PRKACB: variants seen among roughly 807,000 people sequenced by gnomAD.
PRKACB encodes the protein protein kinase cAMP-activated catalytic subunit beta.
A neutral mutation model predicts 51.4 loss-of-function variants in PRKACB; 16 were observed. The observed-to-expected ratio is 0.31, with a 90% CI of 0.21 to 0.47. The LOEUF is 0.47. PRKACB is among the 20% of genes least tolerant of loss of function. The pLI, the probability that PRKACB is intolerant of heterozygous loss-of-function variation, is 1.00. For missense variants in PRKACB, 309 were observed against 464.5 expected (o/e 0.67, Z 3.08); for synonymous variants, 147 against 154.4 (o/e 0.95, Z 0.35).
chr1:84,198,868 C>T (rs1668976711), intron 7 of PRKACB, among the ~76,000 whole-genome samples: 1 of 147,780 alleles, frequency 6.8e-6, no homozygotes, highest in Admixed American at 6.7e-5. Flanking sequence ...TATATATATA[C>T]ACCACATATA....
At chr1:84,104,483 G>A (rs1019148174) in intron 1 of PRKACB, among the ~76,000 whole-genome samples, 6 of 151,970 alleles carry the variant, frequency 3.9e-5, no homozygotes, top group East Asian at 1.9e-4. Flanking sequence ...ATTTCCTTCC[G>A]TTTGCATTAA....
chr1:84,238,175 G>A lies in PRKACB; in HGVS notation c.*2870G>A, dbSNP rs1214029382. The A allele has an allele frequency of 6.6e-6, 1 of 152,278 alleles. No individual in the cohort carries two copies. The allele number at this position is 152,278 out of a possible 1,614,324, so 9.4% of individuals were successfully genotyped here. ...ACCAAAAACGATATTGTGGCTTATG[G>A]GTATTGCTGTCTCATTCTTGGTATA... On this transcript the variant is annotated 3_prime_UTR_variant, in exon 10 of 10. Coordinates refer to ENST00000370685, the MANE Select transcript of PRKACB (RefSeq NM_182948.4).
At chr1:84,143,651 T>C (rs41300498), upstream of PRKACB, among the ~76,000 whole-genome samples, 1,186 of 152,330 alleles carry the variant, frequency 7.8e-3, 11 homozygotes, top group African/African-American at 0.026. Context: ...TTTAGAATGT[T>C]TTAAAATGTA....
chr1:84,196,512 G>A, intron 5 of PRKACB, 104 bp from the exon 6 acceptor site: 1 of 1,146,106 alleles, frequency 8.7e-7, no homozygotes, highest in Non-Finnish European at 1.2e-6. Flanking sequence ...AATACTTTTT[G>A]TTCCCAAAGT....
intron 1 of PRKACB, among the ~76,000 whole-genome samples, chr1:84,152,319 G>C (rs915107321): frequency 2.0e-5 from 3 of 152,196 alleles, no homozygotes; most frequent in African/African-American, 7.2e-5. Context: ...AGGGCACTAA[G>C]AGTTTCTAAA....
chr1:84,214,160 T>G lies in PRKACB; in HGVS notation c.914T>G (p.Phe305Cys). 6.2e-7 allele frequency: 1 copy of G among 1,609,476 alleles called. No homozygotes were observed. The highest frequency in any genetic ancestry group is 1.3e-5 in the African/African-American group (1 of 74,750). The change falls in exon 9 of 10, where the codon TTC becomes TGC. Residue 305 changes from phenylalanine to cysteine, a missense_variant. Phe to Cys is a radical substitution (Grantham distance 205). Around this residue, in one of 3 missense-constraint regions of PRKACB, gnomAD observed 96 missense variants for 129.9 expected, o/e 0.74. Coordinates refer to ENST00000370685, the MANE Select transcript of PRKACB (RefSeq NM_182948.4). ...AATGGTGTGTTTGTGTAGGTCCGAT[T>G]CCCATCCCACTTCAGTTCAGATCTC... Reference protein sequence around the residue: ...YEKIVSGKVRFPSHFSSDLKD... With the variant: ...YEKIVSGKVRCPSHFSSDLKD...
intron 2 of PRKACB, among the ~76,000 whole-genome samples, chr1:84,180,561 C>T (rs570904282): frequency 1.3e-5 from 2 of 151,756 alleles, no homozygotes; most frequent in Admixed American, 1.3e-4. Flanking sequence ...ACCCCAATAA[C>T]TTATGGAAAA....
intron 1 of PRKACB, among the ~76,000 whole-genome samples, chr1:84,136,356 G>T (rs1355612289): frequency 6.6e-6 from 1 of 151,814 alleles, no homozygotes; most frequent in Admixed American, 6.6e-5. Context: ...TAAAAAGTAG[G>T]CAAAAATCTG....
intron 8 of PRKACB, among the ~76,000 whole-genome samples, chr1:84,211,010 T>A (rs1672047292): frequency 6.6e-6 from 1 of 152,074 alleles, no homozygotes; most frequent in Non-Finnish European, 1.5e-5. Context: ...GTGGGCTACC[T>A]ATGAGAATCT....
intron 6 of PRKACB, among the ~76,000 whole-genome samples, chr1:84,197,250 G>A (rs1668481156): frequency 6.6e-6 from 1 of 151,980 alleles, no homozygotes; most frequent in Non-Finnish European, 1.5e-5. Flanking sequence ...TACTGAACTC[G>A]TAGCAACGTT....
At chr1:84,149,466 G>A (rs1233391493) in intron 1 of PRKACB, among the ~76,000 whole-genome samples, 1 of 152,076 alleles carries the variant, frequency 6.6e-6, no homozygotes, top group East Asian at 1.9e-4. Context: ...TCACCATGTT[G>A]CCCAGGTCGA....
chr1:84,095,475 G>A (rs1648859187), intron 1 of PRKACB, among the ~76,000 whole-genome samples: 1 of 151,602 alleles, frequency 6.6e-6, no homozygotes, highest in African/African-American at 2.4e-5. Flanking sequence ...ATCATGTTTT[G>A]TTTTCCATTG....
chr1:84,083,193 G>C (rs1334156678), intron 1 of PRKACB, among the ~76,000 whole-genome samples: 5 of 152,142 alleles, frequency 3.3e-5, no homozygotes, highest in Admixed American at 3.3e-4. Context: ...AAAATCAGTA[G>C]CAGATATTTG....
In PRKACB at chr1:84,182,230, A is replaced by G; in HGVS notation, c.280A>G (p.Lys94Glu). The G allele has an allele frequency of 6.3e-7, 1 of 1,589,446 alleles. No homozygotes were observed. The highest frequency in any genetic ancestry group is 8.6e-7 in the Non-Finnish European group (1 of 1,165,360). Reference protein sequence around the residue: ...NNAGLEDFERKKTLGTGSFGR... With the variant: ...NNAGLEDFEREKTLGTGSFGR... ...TGCCGGACTTGAAGATTTTGAAAGGAAAAAAACCCTTGGAACAGGTTCATT... is the reference window on the plus strand; with the variant it reads ...TGCCGGACTTGAAGATTTTGAAAGGGAAAAAACCCTTGGAACAGGTTCATT... Residue 94 changes from lysine (K) to glutamate (E), a missense_variant, in exon 3 of 10, where the codon AAA becomes GAA. This residue lies in a region of PRKACB where 153 missense variants were observed against 190.2 expected (regional missense o/e 0.80). Coordinates refer to ENST00000370685, the MANE Select transcript of PRKACB (RefSeq NM_182948.4).
At chr1:84,170,918 T>C (rs1659247199) in intron 1 of PRKACB, among the ~76,000 whole-genome samples, 1 of 151,600 alleles carries the variant, frequency 6.6e-6, no homozygotes, top group Non-Finnish European at 1.5e-5. Context: ...TACATAGGAA[T>C]ATGTAGAACA....
chr1:84,153,547 TCTC>T (rs1398420554), intron 1 of PRKACB, among the ~76,000 whole-genome samples: 1 of 152,114 alleles, frequency 6.6e-6, no homozygotes, highest in Non-Finnish European at 1.5e-5. Context: ...TTAGCCAACA[TCTC>T]CTAAATCTTC....
chr1:84,190,320 GA>G (rs1666383820), intron 5 of PRKACB, among the ~76,000 whole-genome samples: 1 of 151,722 alleles, frequency 6.6e-6, no homozygotes, highest in African/African-American at 2.4e-5. Flanking sequence ...TAAATTACAT[GA>G]GACATTGATT....
intron 1 of PRKACB, among the ~76,000 whole-genome samples, chr1:84,109,276 A>G (rs1186783583): frequency 6.6e-6 from 1 of 151,964 alleles, no homozygotes; most frequent in Non-Finnish European, 1.5e-5. Context: ...AGGAGTAGGC[A>G]TTCAGCTTTA....
intron 1 of PRKACB, among the ~76,000 whole-genome samples, chr1:84,123,033 C>G (rs1162263108): frequency 3.9e-5 from 6 of 152,120 alleles, no homozygotes; most frequent in African/African-American, 7.2e-5. Context: ...AGGTAAGTGT[C>G]ATCTAACCGT....
Sources: gnomAD v4.1 joint callset for allele counts (sites outside exome capture counted in the v4.1 genomes callset) on GRCh38, gnomAD v4.1.1 for gene constraint, gnomAD v4.1.1 regional missense constraint, MANE v1.5 for transcripts, NCBI Gene and HGNC (gene_info 2026-07-23, HGNC 2026-07-21) for gene names.